GABPA: variants seen among roughly 807,000 people sequenced by gnomAD.
GABPA encodes the protein GA-binding protein alpha chain.
Under a neutral mutation model 59.4 loss-of-function variants are expected in GABPA, and 4 were observed. The ratio of observed to expected loss-of-function variants is 0.07; its 90% confidence interval spans 0.03 to 0.15. The LOEUF (loss-of-function observed/expected upper bound fraction) is 0.15. Among genes scored for constraint, GABPA ranks in the 10% least tolerant of loss-of-function variants. The pLI is 1.00. For synonymous variants in GABPA, 164 were observed against 183.1 expected (o/e 0.90, Z 0.84); for missense variants, 251 against 543.8 (o/e 0.46, Z 5.36).
chr21:25,743,327 G>A (rs918781305), intron 2 of GABPA, among the ~76,000 whole-genome samples: 11 of 152,302 alleles, frequency 7.2e-5, no homozygotes, highest in African/African-American at 2.6e-4. Context: ...CAGTGCTGGA[G>A]GGAACTTTAA....
chr21:25,751,339 T>C (rs2123526146), intron 4 of GABPA, among the ~76,000 whole-genome samples: 1 of 151,232 alleles, frequency 6.6e-6, no homozygotes, highest in South Asian at 2.1e-4. Context: ...TTCTGGATAG[T>C]TGAGGAGCCT....
chr21:25,744,110 G>GT (rs754175992), intron 2 of GABPA, among the ~76,000 whole-genome samples: 21 of 145,754 alleles, frequency 1.4e-4, no homozygotes, highest in African/African-American at 3.6e-4. Context: ...CTTACTTAAA[G>GT]TTTTTTTTTA....
At chr21:25,751,879 T>G in intron 4 of GABPA, 110 bp from the exon 5 acceptor site, 2 of 1,090,932 alleles carry the variant, frequency 1.8e-6, no homozygotes, top group Non-Finnish European at 1.3e-6. Flanking sequence ...TACATTTGCT[T>G]TATTCGATGT....
intron 3 of GABPA, among the ~76,000 whole-genome samples, chr21:25,745,699 T>C (rs540449071): frequency 6.6e-6 from 1 of 152,358 alleles, no homozygotes; most frequent in East Asian, 1.9e-4. Flanking sequence ...TAGCCAGCTT[T>C]TAACTTCTCA....
chr21:25,735,054 G>A lies in GABPA; in HGVS notation c.-551G>A, dbSNP rs1415523242. On this transcript the variant is annotated 5_prime_UTR_variant, in exon 1 of 10. Coordinates refer to ENST00000400075, the MANE Select transcript of GABPA (RefSeq NM_002040.4). ...GTCTAGGTGAGACAGAAGCCAAACA[G>A]GAGGAGGAAGTGGAGGGTAAGTGCT... 3.1e-6 allele frequency: 4 copies of A among 1,272,886 alleles called. No individual in the cohort carries two copies. The highest frequency in any genetic ancestry group is 3.0e-5 in the African/African-American group (2 of 67,532). The allele number at this position is 1,272,886 out of a possible 1,614,324, so 78.8% of individuals were successfully genotyped here.
At chr21:25,748,323 A>G (rs947297921) in intron 3 of GABPA, among the ~76,000 whole-genome samples, 1 of 152,236 alleles carries the variant, frequency 6.6e-6, no homozygotes, top group Admixed American at 6.5e-5. Flanking sequence ...ATGCAGCTTT[A>G]TGACATGCAG....
At chr21:25,751,737 A>G (rs1267547347) in intron 4 of GABPA, among the ~76,000 whole-genome samples, 1 of 151,766 alleles carries the variant, frequency 6.6e-6, no homozygotes, top group African/African-American at 2.4e-5. Flanking sequence ...TTTTCTAATG[A>G]TGTTTATAGG....
intron 7 of GABPA, chr21:25,763,008 G>T: frequency 2.6e-6 from 1 of 383,632 alleles, no homozygotes; most frequent in South Asian, 2.6e-5. Context: ...CTCTCGCTTT[G>T]CCTTCAGCTT....
In GABPA at chr21:25,743,145, A is replaced by G. The variant is rs117107119; in HGVS notation, c.77+1470A>G. The stretch of plus-strand genomic sequence containing the variant: ...TCTCAGCAAGATGCCTCAGTTCCTC[A>G]TCACATGACTCTCTCTAGGGCTGCT... On this transcript the variant is annotated intron_variant, in intron 2 of 9. Coordinates refer to ENST00000400075, the MANE Select transcript of GABPA (RefSeq NM_002040.4). Among the ~76,000 whole-genome samples the G allele has an allele frequency of 1.3e-3, 200 of 152,286 alleles. 2 individuals carry two copies. The East Asian group carries it at 0.034, about 26-fold the overall frequency.
chr21:25,745,206 T>A lies in GABPA; in HGVS notation c.78-4T>A. 3 of 1,612,376 alleles carry A rather than the reference T, an allele frequency of 1.9e-6. No individual in the cohort carries two copies. Among genetic ancestry groups the A allele is most frequent in the Non-Finnish European group, 2.5e-6 (3 of 1,179,822 alleles). Reference sequence around the variant, plus strand: ...CTGTTAGCACTTACATCTTTAACATTTAGCATTGTAGAACAAACCTACGCG... The same window carrying A: ...CTGTTAGCACTTACATCTTTAACATATAGCATTGTAGAACAAACCTACGCG... On this transcript the variant is annotated splice_polypyrimidine_tract_variant and splice_region_variant and intron_variant, in intron 2 of 9. Transcript: ENST00000400075.
At chr21:25,739,683 A>T (rs1345241334) in intron 1 of GABPA, among the ~76,000 whole-genome samples, 1 of 152,204 alleles carries the variant, frequency 6.6e-6, no homozygotes, top group African/African-American at 2.4e-5. Flanking sequence ...TGGCACGATC[A>T]TCATTGACTG....
At position 25,771,622 on chromosome 21, in the gene GABPA, AAAT is replaced by A. The variant is rs1490658434; in HGVS notation, c.*2393_*2395del. The A allele has an allele frequency of 6.6e-6, 1 of 151,938 alleles. No individual in the cohort carries two copies. The highest frequency in any genetic ancestry group is 1.5e-5 in the Non-Finnish European group (1 of 67,880). The allele number at this position is 151,938 out of a possible 1,614,324, so 9.4% of individuals were successfully genotyped here. On this transcript the variant is annotated 3_prime_UTR_variant, in exon 10 of 10. Transcript: ENST00000400075. ...TATTAAAATATAACATTGTGAAAGA[AAAT>A]AAAATTTATGCTATTCTTTGCTTTG...
At chr21:25,764,902 G>T in intron 9 of GABPA, 115 bp downstream of exon 9, 4 of 678,096 alleles carry the variant, frequency 5.9e-6, no homozygotes, top group Middle Eastern at 3.6e-4. Flanking sequence ...ACTTGTTTAT[G>T]TTTTTTTCTT....
At chr21:25,746,997 C>A (rs1486157849) in intron 3 of GABPA, among the ~76,000 whole-genome samples, 2 of 152,178 alleles carry the variant, frequency 1.3e-5, no homozygotes, top group Non-Finnish European at 2.9e-5. Flanking sequence ...AAAATACTTA[C>A]AAAACACTCT....
At chr21:25,743,907 G>T (rs2035290769) in intron 2 of GABPA, among the ~76,000 whole-genome samples, 1 of 151,976 alleles carries the variant, frequency 6.6e-6, no homozygotes, top group African/African-American at 2.4e-5. Context: ...AGCTAGGCAT[G>T]GTGGCGCATG....
In GABPA at chr21:25,764,143, T is replaced by C. The variant is rs2035832597; in HGVS notation, c.803-67T>C. On this transcript the variant is annotated intron_variant, in intron 7 of 9. Coordinates refer to ENST00000400075, the MANE Select transcript of GABPA (RefSeq NM_002040.4). ...GCATTAGTTAAAGTGATAATGTCTT[T>C]CAGTAATTTTTTTTTTTTCCTGCTT... 2.0e-5 allele frequency: 27 copies of C among 1,373,790 alleles called. No homozygotes were observed. The South Asian group carries it at 3.0e-4, about 15-fold the overall frequency. 85.1% of individuals were successfully genotyped at this position (1,373,790 alleles called of 1,614,324 possible).
chr21:25,755,528 G>T (rs984905726), intron 5 of GABPA, among the ~76,000 whole-genome samples: 1 of 152,070 alleles, frequency 6.6e-6, no homozygotes, highest in Admixed American at 6.6e-5. Flanking sequence ...GTAGAAGATA[G>T]GGGTGAGCAT....
At chr21:25,751,340 TGAG>T (rs982655847) in intron 4 of GABPA, among the ~76,000 whole-genome samples, 10 of 151,280 alleles carry the variant, frequency 6.6e-5, no homozygotes, top group South Asian at 2.1e-4. Context: ...TCTGGATAGT[TGAG>T]GAGCCTTTGT....
rs891640259 is a variant in GABPA at position 25,735,316 on chromosome 21, T to C, written c.-289T>C. The C allele has an allele frequency of 1.4e-5, 4 of 281,666 alleles. No homozygotes were observed. The highest frequency in any genetic ancestry group is 2.2e-5 in the African/African-American group (1 of 45,736). The allele number at this position is 281,666 out of a possible 1,614,324, so 17.4% of individuals were successfully genotyped here. On this transcript the variant is annotated 5_prime_UTR_variant, in exon 1 of 10. Transcript: ENST00000400075. ...TTGGGGCGTTGTGCTTCCTTGTACC[T>C]CGTGAGCCTCCGTTGCCTTGGGCGG...
Sources: allele counts gnomAD v4.1 joint callset (sites outside exome capture counted in the v4.1 genomes callset), GRCh38; gene constraint gnomAD v4.1.1; transcripts MANE v1.5; gene names NCBI Gene and HGNC (gene_info 2026-07-23, HGNC 2026-07-21).